Variants in NXPE2 observed in about 807,000 individuals in gnomAD.
The protein encoded by NXPE2 is NXPE family member 2.
Under a neutral mutation model 34.4 loss-of-function variants are expected in NXPE2, and 34 were observed. The observed-to-expected ratio is 0.99, with a 90% CI of 0.75 to 1.31. The LOEUF is 1.31. Among genes scored for constraint, NXPE2 ranks in the 40% most tolerant of loss-of-function variants. NXPE2 has a pLI of 0.00. For synonymous variants in NXPE2, 235 were observed against 231.3 expected (o/e 1.02, Z -0.15); for missense variants, 649 against 672.5 (o/e 0.97, Z 0.39).
chr11:114,616,395 C>T, the NXPE2 span, among the ~76,000 whole-genome samples: 5 of 151,518 alleles, frequency 3.3e-5, no homozygotes, highest in Admixed American at 1.3e-4. Context: ...TAATTGTTGC[C>T]TCGTGGGTAA....
chr11:114,678,356 C>A, upstream of NXPE2: 1 of 443,190 alleles, frequency 2.3e-6, no homozygotes, highest in Non-Finnish European at 4.1e-6. Flanking sequence ...TCAGAGCTTC[C>A]TCATGGCTTT....
the NXPE2 span, among the ~76,000 whole-genome samples, chr11:114,612,958 T>A: frequency 1.3e-5 from 2 of 151,932 alleles, no homozygotes; most frequent in African/African-American, 4.8e-5. Flanking sequence ...ACCTGCTGGA[T>A]AATAATTGTT....
At chr11:114,595,806 C>T in the NXPE2 span, 16 of 152,344 alleles carry the variant, frequency 1.1e-4, no homozygotes, top group South Asian at 3.3e-3. Flanking sequence ...GTCAGCTCCA[C>T]CTTAAGGAGG....
chr11:114,666,269 G>A, the NXPE2 span, among the ~76,000 whole-genome samples: 2 of 152,060 alleles, frequency 1.3e-5, no homozygotes, highest in South Asian at 4.1e-4. Flanking sequence ...TGGGCTCACA[G>A]CAGCATTTTC....
the NXPE2 span, chr11:114,583,651 G>A: frequency 1.7e-6 from 1 of 588,442 alleles, no homozygotes; most frequent in Non-Finnish European, 3.4e-6. Flanking sequence ...ACACTGCTGT[G>A]AATTGGGCTG....
the NXPE2 span, among the ~76,000 whole-genome samples, chr11:114,551,805 G>C: frequency 0.25 from 38,071 of 152,030 alleles, 5,010 homozygotes; most frequent in East Asian, 0.44. Flanking sequence ...GAAGGGGGAA[G>C]AAGGAGATAG....
the NXPE2 span, among the ~76,000 whole-genome samples, chr11:114,607,528 C>G: frequency 6.6e-6 from 1 of 151,958 alleles, no homozygotes; most frequent in East Asian, 1.9e-4. Context: ...TGGGTAACCA[C>G]TGTTACCCGG....
At chr11:114,490,200 T>C in the NXPE2 span, among the ~76,000 whole-genome samples, 3 of 152,026 alleles carry the variant, frequency 2.0e-5, no homozygotes, top group Non-Finnish European at 2.9e-5. Flanking sequence ...CTCAATGAAA[T>C]AAAAGAGGAT....
the NXPE2 span, chr11:114,529,201 G>C: frequency 5.8e-6 from 1 of 172,992 alleles, no homozygotes; most frequent in Admixed American, 6.3e-5. Flanking sequence ...AATCTTCGTG[G>C]GGGAAAATAA....
the NXPE2 span, among the ~76,000 whole-genome samples, chr11:114,594,262 T>G: frequency 6.6e-6 from 1 of 152,188 alleles, no homozygotes; most frequent in South Asian, 2.1e-4. Flanking sequence ...TACTATGTAT[T>G]ATATGCTTGT....
At chr11:114,626,655 G>A in the NXPE2 span, among the ~76,000 whole-genome samples, 1 of 152,218 alleles carries the variant, frequency 6.6e-6, no homozygotes, top group Non-Finnish European at 1.5e-5. Context: ...ACCAGCAACA[G>A]AACAAAGCTG....
the NXPE2 span, chr11:114,554,426 C>T: frequency 2.1e-6 from 2 of 970,798 alleles, no homozygotes; most frequent in Non-Finnish European, 2.4e-6. Flanking sequence ...CTTAAACATT[C>T]TTTGTGACAT....
the NXPE2 span, among the ~76,000 whole-genome samples, chr11:114,802,458 C>A: frequency 6.6e-6 from 1 of 152,174 alleles, no homozygotes; most frequent in Non-Finnish European, 1.5e-5. Flanking sequence ...GGGTCACAAG[C>A]CCATCCTTGG....
At chr11:114,618,918 G>T in the NXPE2 span, among the ~76,000 whole-genome samples, 1 of 152,036 alleles carries the variant, frequency 6.6e-6, no homozygotes, top group African/African-American at 2.4e-5. Context: ...ACTGTCTCAT[G>T]GGTAATCACT....
chr11:114,636,277 G>T, the NXPE2 span, among the ~76,000 whole-genome samples: 1 of 151,864 alleles, frequency 6.6e-6, no homozygotes, highest in East Asian at 1.9e-4. Flanking sequence ...TTCTCTGATG[G>T]TAGTTTGTAT....
the NXPE2 span, among the ~76,000 whole-genome samples, chr11:114,770,157 C>G: frequency 2.6e-5 from 4 of 152,168 alleles, no homozygotes; most frequent in Non-Finnish European, 5.9e-5. Context: ...AAGATGTAGA[C>G]AGTGATCCAG....
chr11:114,808,325 G>A, the NXPE2 span, among the ~76,000 whole-genome samples: 2 of 151,168 alleles, frequency 1.3e-5, no homozygotes, highest in African/African-American at 2.4e-5. Context: ...CTAGCAGAAG[G>A]CAAGAAATAA....
At chr11:114,527,335 A>G in the NXPE2 span, 2 of 152,348 alleles carry the variant, frequency 1.3e-5, no homozygotes, top group Non-Finnish European at 2.9e-5. Flanking sequence ...TTATCGGTAA[A>G]CTAAGATAGA....
At chr11:114,545,216 C>T in the NXPE2 span, among the ~76,000 whole-genome samples, 1 of 152,116 alleles carries the variant, frequency 6.6e-6, no homozygotes. Flanking sequence ...CTCCTGTATA[C>T]ATATCCAGTT....
Sources: gnomAD v4.1 joint callset for allele counts (sites outside exome capture counted in the v4.1 genomes callset) on GRCh38, gnomAD v4.1.1 for gene constraint, MANE v1.5 for transcripts, NCBI Gene and HGNC (gene_info 2026-07-23, HGNC 2026-07-21) for gene names.